Variants in UBE2H observed in about 807,000 individuals in gnomAD.
UBE2H encodes ubiquitin-conjugating enzyme E2 H.
A neutral mutation model predicts 29.0 loss-of-function variants in UBE2H; 3 were observed. The observed-to-expected ratio is 0.10, with a 90% CI of 0.05 to 0.27. The LOEUF (loss-of-function observed/expected upper bound fraction) is 0.27, where lower values mean the gene tolerates loss of function less well. UBE2H is among the 10% of genes least tolerant of loss of function. The probability of loss-of-function intolerance (pLI) is 1.00; values close to 1 mark genes in which losing one functional copy is unlikely to be tolerated. For missense variants in UBE2H, 68 were observed against 228.2 expected, an observed-to-expected ratio of 0.30 and a Z score of 4.52; for synonymous variants, 69 against 82.9, an observed-to-expected ratio of 0.83 and a Z score of 0.91.
intron 1 of UBE2H, among the ~76,000 whole-genome samples, chr7:129,883,531 A>T (rs528461174): frequency 6.6e-6 from 1 of 152,348 alleles, no homozygotes; most frequent in African/African-American, 2.4e-5. Context: ...ACCCAAAAGA[A>T]AATTACAAAG....
chr7:129,872,144 C>T (rs62491503), intron 3 of UBE2H, among the ~76,000 whole-genome samples: 22,044 of 152,076 alleles, frequency 0.14, 1,660 homozygotes, highest in Admixed American at 0.2. Context: ...CATGAGTCAT[C>T]GTGCCCAGTC....
chr7:129,908,726 G>T (rs1472775791), intron 1 of UBE2H, among the ~76,000 whole-genome samples: 9 of 152,146 alleles, frequency 5.9e-5, no homozygotes, highest in African/African-American at 2.2e-4. Flanking sequence ...AAACACAAAT[G>T]AGCACCACCT....
intron 1 of UBE2H, among the ~76,000 whole-genome samples, chr7:129,949,347 C>G (rs1411794205): frequency 6.6e-6 from 1 of 152,184 alleles, no homozygotes; most frequent in Non-Finnish European, 1.5e-5. Flanking sequence ...GCACAGATCA[C>G]CAATCTACCT....
intron 1 of UBE2H, among the ~76,000 whole-genome samples, chr7:129,887,336 C>T (rs537833693): frequency 1.1e-3 from 168 of 151,542 alleles, no homozygotes; most frequent in African/African-American, 3.7e-3. Flanking sequence ...ATTCTCCTGC[C>T]TCAGTCTCCC....
rs1311177280 is a variant in UBE2H at position 129,830,843 on chromosome 7, C to G, written c.*4094G>C. The stretch of plus-strand genomic sequence containing the variant: ...TGTGTCCTGTTGACAGACGTGCCTA[C>G]TAGATCATCACAATGCAAGGAGAAA... On this transcript the variant is annotated 3_prime_UTR_variant, in exon 7 of 7. Coordinates refer to ENST00000355621, the MANE Select transcript of UBE2H (RefSeq NM_003344.4). 1 of 147,408 alleles carries G rather than the reference C, an allele frequency of 6.8e-6. No homozygotes were observed. The highest frequency in any genetic ancestry group is 6.9e-5 in the Admixed American group (1 of 14,504). 9.1% of individuals were successfully genotyped at this position (147,408 alleles called of 1,614,324 possible). A position where few individuals can be genotyped will look rare whatever the true frequency, so the allele number is the denominator to read the frequency against.
In UBE2H at chr7:129,913,023, G is replaced by A. The variant is rs1272585476; in HGVS notation, c.54-32052C>T. Among the ~76,000 whole-genome samples the A allele has an allele frequency of 3.9e-5, 6 of 152,238 alleles. No homozygotes were observed. The East Asian group carries it at 9.7e-4, about 24-fold the overall frequency. ...CCCAGCACTTTCGGAGGCCAAGGCGGGTGGGTCGCCTGAGGTCAGGAGTTC... is the reference window on the plus strand; with the variant it reads ...CCCAGCACTTTCGGAGGCCAAGGCGAGTGGGTCGCCTGAGGTCAGGAGTTC... On this transcript the variant is annotated intron_variant, in intron 1 of 6. Transcript: ENST00000355621.
chr7:129,889,125 G>A (rs568288461), intron 1 of UBE2H, among the ~76,000 whole-genome samples: 5 of 152,294 alleles, frequency 3.3e-5, no homozygotes, highest in African/African-American at 4.8e-5. Context: ...ACCAGATTAC[G>A]GAGGGCTCCG....
At chr7:129,835,247 G>A (rs1047533669) in intron 6 of UBE2H, among the ~76,000 whole-genome samples, 186 bp from the exon 7 acceptor site, 18 of 152,172 alleles carry the variant, frequency 1.2e-4, no homozygotes, top group Non-Finnish European at 2.1e-4. Context: ...TTGGGACAGG[G>A]TTTCTGCATT....
chr7:129,869,522 A>G lies in UBE2H; in HGVS notation c.205+10046T>C, dbSNP rs1288691692. 5.9e-5 allele frequency among the ~76,000 whole-genome samples: 9 copies of G among 152,132 alleles called. 1 individual carries two copies. The highest frequency in any genetic ancestry group is 4.6e-4 in the Admixed American group (7 of 15,270). Reference sequence around the variant, plus strand: ...CTTCTTACTCAGCTTAAGATTTAAGAGCCATCACCATCCTCACTCTCAAGC... The same window carrying G: ...CTTCTTACTCAGCTTAAGATTTAAGGGCCATCACCATCCTCACTCTCAAGC... On this transcript the variant is annotated intron_variant, in intron 3 of 6. Transcript: ENST00000355621.
intron 1 of UBE2H, among the ~76,000 whole-genome samples, chr7:129,888,704 AC>A (rs1806414381): frequency 6.6e-6 from 1 of 152,080 alleles, no homozygotes; most frequent in African/African-American, 2.4e-5. Flanking sequence ...TGAACTCCTG[AC>A]CTCAAGTGAT....
chr7:129,915,766 A>G (rs960340302), intron 1 of UBE2H, among the ~76,000 whole-genome samples: 1 of 152,130 alleles, frequency 6.6e-6, no homozygotes, highest in Non-Finnish European at 1.5e-5. Flanking sequence ...AGACCCTCCT[A>G]ACTCTGCCTG....
intron 3 of UBE2H, among the ~76,000 whole-genome samples, chr7:129,869,027 C>G (rs1422865229): frequency 2.6e-5 from 4 of 151,396 alleles, no homozygotes; most frequent in African/African-American, 7.3e-5. Flanking sequence ...ACTTCTGCCT[C>G]CGGGGTTCAA....
intron 3 of UBE2H, among the ~76,000 whole-genome samples, chr7:129,869,621 C>T (rs1805987603): frequency 6.6e-6 from 1 of 152,210 alleles, no homozygotes; most frequent in South Asian, 2.1e-4. Context: ...AAGCATCATT[C>T]ACATTTGCTC....
intron 3 of UBE2H, among the ~76,000 whole-genome samples, chr7:129,864,552 C>CTTTTTTTTT (rs757244811): frequency 9.3e-5 from 7 of 75,672 alleles, no homozygotes; most frequent in Admixed American, 1.9e-4. Flanking sequence ...TTTTTCTTTT[C>CTTTTTTTTT]TTTCTTTTTT....
In UBE2H at chr7:129,831,862, G is replaced by C. The variant is rs189854572; in HGVS notation, c.*3075C>G. 50 of 152,360 alleles carry C rather than the reference G, an allele frequency of 3.3e-4. No individual in the cohort carries two copies. The highest frequency in any genetic ancestry group is 1.1e-3 in the African/African-American group (45 of 41,588). The allele number at this position is 152,360 out of a possible 1,614,324, so 9.4% of individuals were successfully genotyped here. ...GCTTGTTGGTGTTTGGCAAGAGCTT[G>C]AGCTCAGTTATGTGAACAGGGGCAA... On this transcript the variant is annotated 3_prime_UTR_variant, in exon 7 of 7. Transcript: ENST00000355621.
At chr7:129,860,538 C>T (rs933237135) in intron 3 of UBE2H, among the ~76,000 whole-genome samples, 1 of 152,108 alleles carries the variant, frequency 6.6e-6, no homozygotes, top group South Asian at 2.1e-4. Context: ...GTCCCAGATG[C>T]CCCATGAGAG....
At chr7:129,871,011 A>C (rs1459689391) in intron 3 of UBE2H, among the ~76,000 whole-genome samples, 5 of 152,208 alleles carry the variant, frequency 3.3e-5, no homozygotes, top group Non-Finnish European at 7.3e-5. Flanking sequence ...TCTCAGCTTA[A>C]ATTTACTTTG....
intron 5 of UBE2H, among the ~76,000 whole-genome samples, chr7:129,856,599 A>G (rs1026699950): frequency 6.6e-6 from 1 of 152,236 alleles, no homozygotes; most frequent in African/African-American, 2.4e-5. Context: ...GGGTAGGAGC[A>G]CTGGAGTAGG....
intron 1 of UBE2H, among the ~76,000 whole-genome samples, chr7:129,945,701 T>G (rs1807747619): frequency 6.6e-6 from 1 of 151,754 alleles, no homozygotes. Flanking sequence ...GGCAAAGAAT[T>G]AAATCAATGG....
Sources: gnomAD v4.1 joint callset for allele counts (sites outside exome capture counted in the v4.1 genomes callset) on GRCh38, gnomAD v4.1.1 for gene constraint, MANE v1.5 for transcripts, NCBI Gene and HGNC (gene_info 2026-07-23, HGNC 2026-07-21) for gene names.